The following ATP6V1A variants were observed in gnomAD, a reference collection of about 807,000 sequenced individuals.
ATP6V1A encodes V-type proton ATPase catalytic subunit A.
A neutral mutation model predicts 70.1 loss-of-function variants in ATP6V1A; 18 were observed. The observed-to-expected ratio is 0.26, with a 90% CI of 0.18 to 0.38. The LOEUF is 0.38. ATP6V1A is among the 10% of genes least tolerant of loss of function. The pLI is 1.00. For missense variants in ATP6V1A, 424 were observed against 772.4 expected (o/e 0.55, Z 5.35); for synonymous variants, 232 against 253.8 (o/e 0.91, Z 0.82).
chr3:113,795,151 G>A lies in ATP6V1A; in HGVS notation c.1173G>A (p.Arg391=), dbSNP rs773490982. ...RLASFYERAG[R]VKCLGNPERE... Reference sequence around the variant, plus strand: ...CCTCGTTTTATGAACGAGCAGGCAGGGTGAAATGTCTTGGAAATCCTGAAA... The same window carrying A: ...CCTCGTTTTATGAACGAGCAGGCAGAGTGAAATGTCTTGGAAATCCTGAAA... The change falls in exon 10 of 15, where the codon AGG becomes AGA. Residue 391 remains arginine, a synonymous_variant. Transcript: ENST00000273398. 1 of 1,614,134 alleles carries A rather than the reference G, an allele frequency of 6.2e-7. No homozygotes were observed. The highest frequency in any genetic ancestry group is 1.1e-5 in the South Asian group (1 of 91,088).
At chr3:113,753,725 T>A (rs937248573) in intron 1 of ATP6V1A, among the ~76,000 whole-genome samples, 3 of 150,260 alleles carry the variant, frequency 2.0e-5, no homozygotes, top group Non-Finnish European at 4.4e-5. Flanking sequence ...AGACAGGATC[T>A]TGCTCTGTTA....
intron 1 of ATP6V1A, among the ~76,000 whole-genome samples, chr3:113,750,411 G>A (rs1708573056): frequency 6.6e-6 from 1 of 152,208 alleles, no homozygotes; most frequent in African/African-American, 2.4e-5. Flanking sequence ...GAACCCGACA[G>A]GTGGAGGTTG....
Position 113,778,797 on chromosome 3 carries a change from A to G in ATP6V1A, c.44A>G (p.Glu15Gly). 1 of 1,595,030 alleles carries G rather than the reference A, an allele frequency of 6.3e-7. No homozygotes were observed. The highest frequency in any genetic ancestry group is 1.1e-5 in the South Asian group (1 of 87,346). ...CCCAAAATACTCGATGAAGATAAAG[A>G]AAGCACATTTGGTTATGTGCATGGG... ...KLPKILDEDK[E>G]STFGYVHGVS... The change falls in exon 2 of 15, where the codon GAA (glutamate) becomes GGA (glycine). Residue 15 changes from glutamate (E) to glycine (G), a missense_variant. Physicochemically the swap from Glu to Gly is moderately conservative, Grantham distance 98. Transcript: ENST00000273398.
intron 7 of ATP6V1A, 41 bp downstream of exon 7, chr3:113,788,916 A>T (rs1709065152): frequency 6.4e-7 from 1 of 1,553,816 alleles, no homozygotes; most frequent in East Asian, 2.3e-5. Flanking sequence ...AGAAAATACC[A>T]CTCATCAGTG....
Position 113,761,924 on chromosome 3 carries a change from G to A in ATP6V1A, c.-14+14811G>A, listed in dbSNP as rs1166834836. 3.3e-5 allele frequency among the ~76,000 whole-genome samples: 4 copies of A among 122,768 alleles called. 1 individual carries two copies. Among genetic ancestry groups the A allele is most frequent in the Non-Finnish European group, 7.1e-5 (4 of 56,258 alleles). 80.5% of individuals were successfully genotyped at this position (122,768 alleles called of 152,430 possible). A position where few individuals can be genotyped will look rare whatever the true frequency, so the allele number is the denominator to read the frequency against. ...TCCCAGCACTTTGGGAGGCCAAAGC[G>A]GGCGGATCACCTGAGGTCAGGAGTT... On this transcript the variant is annotated intron_variant, in intron 1 of 14. Transcript: ENST00000273398.
chr3:113,803,536 T>A, intron 12 of ATP6V1A, 47 bp from the exon 13 acceptor site: 3 of 1,373,020 alleles, frequency 2.2e-6, no homozygotes, highest in Non-Finnish European at 3.1e-6. Context: ...CCACCATCAA[T>A]CTTACATTTT....
chr3:113,795,916 T>G lies in ATP6V1A; in HGVS notation c.1267T>G (p.Ser423Ala). 1 of 1,610,804 alleles carries G rather than the reference T, an allele frequency of 6.2e-7. No individual in the cohort carries two copies. The highest frequency in any genetic ancestry group is 8.5e-7 in the Non-Finnish European group (1 of 1,179,240). The change falls in exon 11 of 15, where the codon TCT (serine) becomes GCT (alanine). Residue 423 changes from serine (S) to alanine (A), a missense_variant. Ser to Ala is a moderately conservative substitution (Grantham distance 99). Coordinates refer to ENST00000273398, the MANE Select transcript of ATP6V1A (RefSeq NM_001690.4). ...TGGTGATTTTTCTGATCCAGTTACA[T>G]CTGCCACTCTTGGTATCGTTCAGGT... is the stretch of plus-strand genomic sequence containing the variant. The part of the protein sequence containing the change: ...PGGDFSDPVT[S>A]ATLGIVQVFW...
intron 14 of ATP6V1A, among the ~76,000 whole-genome samples, chr3:113,808,365 C>G (rs1709303721): frequency 7.3e-6 from 1 of 137,532 alleles, no homozygotes; most frequent in African/African-American, 2.7e-5. Context: ...GATCTCAGCT[C>G]ACTGCAACCT....
chr3:113,748,072 T>A (rs1439495580), intron 1 of ATP6V1A, among the ~76,000 whole-genome samples: 1 of 152,222 alleles, frequency 6.6e-6, no homozygotes, highest in African/African-American at 2.4e-5. Context: ...CCCAATCTAT[T>A]CCTTGATCGG....
chr3:113,808,560 G>T (rs1163439958), intron 14 of ATP6V1A, among the ~76,000 whole-genome samples: 2 of 151,986 alleles, frequency 1.3e-5, no homozygotes, highest in Admixed American at 1.3e-4. Flanking sequence ...CCAAAGTGCT[G>T]GGATTACAGG....
intron 13 of ATP6V1A, among the ~76,000 whole-genome samples, chr3:113,804,395 A>C (rs1207492329): frequency 6.6e-6 from 1 of 152,022 alleles, no homozygotes; most frequent in Non-Finnish European, 1.5e-5. Flanking sequence ...CTTTCTACCA[A>C]GGTCTCTGTT....
intron 5 of ATP6V1A, among the ~76,000 whole-genome samples, chr3:113,785,259 G>A (rs1256750557): frequency 6.6e-6 from 1 of 152,040 alleles, no homozygotes; most frequent in Admixed American, 6.6e-5. Flanking sequence ...GACCAACATG[G>A]TGAAACCCTG....
chr3:113,750,722 T>C (rs751249528), intron 1 of ATP6V1A, among the ~76,000 whole-genome samples: 2 of 152,282 alleles, frequency 1.3e-5, no homozygotes, highest in South Asian at 2.1e-4. Context: ...CTAGAACATA[T>C]TTTGTAAAAA....
chr3:113,788,951 G>T (rs534715474), intron 7 of ATP6V1A, 76 bp downstream of exon 7: 10 of 1,370,042 alleles, frequency 7.3e-6, no homozygotes, highest in Non-Finnish European at 1.0e-5. Context: ...ATAAAGCTTT[G>T]TGTTGGGTCT....
At chr3:113,804,085 C>T (rs1382336101) in intron 13 of ATP6V1A, among the ~76,000 whole-genome samples, 1 of 152,082 alleles carries the variant, frequency 6.6e-6, no homozygotes, top group East Asian at 1.9e-4. Flanking sequence ...GCAGCCTCAA[C>T]CTCCTGACAG....
intron 1 of ATP6V1A, among the ~76,000 whole-genome samples, chr3:113,768,671 G>A (rs1227642629): frequency 6.8e-6 from 1 of 146,138 alleles, no homozygotes; most frequent in Non-Finnish European, 1.5e-5. Flanking sequence ...TCTCGGCTCA[G>A]TGCAACCTCT....
At chr3:113,753,959 AATG>A (rs1708619011) in intron 1 of ATP6V1A, among the ~76,000 whole-genome samples, 2 of 152,198 alleles carry the variant, frequency 1.3e-5, no homozygotes, top group African/African-American at 4.8e-5. Context: ...AAACATTTGT[AATG>A]ATAACTCATT....
chr3:113,808,071 G>C (rs1459764008), intron 14 of ATP6V1A, among the ~76,000 whole-genome samples: 1 of 150,690 alleles, frequency 6.6e-6, no homozygotes, highest in African/African-American at 2.4e-5. Context: ...TGGAGGTTGC[G>C]GTGAGCTGAG....
Position 113,784,312 on chromosome 3 carries a change from T to C in ATP6V1A, c.300T>C (p.Asp100=). ...CTGGCATTATGGGAGCCATTTTTGA[T>C]GGTATTCAAAGACCTTTGTCGGATA... is the stretch of plus-strand genomic sequence containing the variant. The part of the protein sequence containing the change: ...LGPGIMGAIF[D]GIQRPLSDIS... The change falls in exon 4 of 15, where the codon GAT becomes GAC. Residue 100 remains aspartate (D), a synonymous_variant. Coordinates refer to ENST00000273398, the MANE Select transcript of ATP6V1A (RefSeq NM_001690.4). 6.2e-7 allele frequency: 1 copy of C among 1,614,130 alleles called. No homozygotes were observed.
Sources: gnomAD v4.1 joint callset for allele counts (sites outside exome capture counted in the v4.1 genomes callset) on GRCh38, gnomAD v4.1.1 for gene constraint, MANE v1.5 for transcripts, NCBI Gene and HGNC (gene_info 2026-07-23, HGNC 2026-07-21) for gene names.